Variants in EP300 observed in about 807,000 individuals in gnomAD.
EP300 encodes the protein histone acetyltransferase p300.
Under a neutral mutation model 264.0 loss-of-function variants are expected in EP300, and 31 were observed. The observed-to-expected ratio is 0.12, with a 90% confidence interval of 0.09 to 0.16. EP300 has a LOEUF of 0.16. EP300 is among the 10% of genes least tolerant of loss of function. The pLI, the probability that EP300 is intolerant of heterozygous loss-of-function variation, is 1.00. For synonymous variants in EP300, 1,340 were observed against 1,045.4 expected (o/e 1.28, Z -5.44); for missense variants, 2,766 against 3,052.9 (o/e 0.91, Z 2.21).
chr22:41,173,490 G>C, intron 28 of EP300, 133 bp from the exon 29 acceptor site: 1 of 962,280 alleles, frequency 1.0e-6, no homozygotes, highest in Non-Finnish European at 1.6e-6. Flanking sequence ...AATAAGTGAA[G>C]AGAACAGCTA....
chr22:41,097,861 A>AT (rs2058710461), intron 1 of EP300, among the ~76,000 whole-genome samples: 2 of 151,898 alleles, frequency 1.3e-5, no homozygotes, highest in African/African-American at 4.8e-5. Flanking sequence ...TGCCCAGCTA[A>AT]TTTTTTGTAT....
At position 41,150,057 on chromosome 22, in the gene EP300, A is replaced by G. The variant is rs374237094; in HGVS notation, c.2676A>G (p.Gln892=). 2.1e-5 allele frequency: 34 copies of G among 1,613,330 alleles called. No individual in the cohort carries two copies. In the African/African-American group the frequency reaches 3.6e-4, roughly 17 times the overall value. Residue 892 remains glutamine, a synonymous_variant, in exon 14 of 31, where the codon CAA becomes CAG. Coordinates refer to ENST00000263253, the MANE Select transcript of EP300 (RefSeq NM_001429.4). ...AGACACCTACACCACCAACAACACAACTTCCCCAACAAGTGCAGCCTTCAC... is the reference window on the plus strand; with the variant it reads ...AGACACCTACACCACCAACAACACAGCTTCCCCAACAAGTGCAGCCTTCAC... The part of the protein sequence containing the change: ...PRQTPTPPTT[Q]LPQQVQPSLP...
intron 16 of EP300, among the ~76,000 whole-genome samples, 159 bp downstream of exon 16, chr22:41,152,509 TTC>T (rs2059052516): frequency 6.6e-6 from 1 of 151,934 alleles, no homozygotes; most frequent in Non-Finnish European, 1.5e-5. Context: ...CTAATAATTT[TTC>T]TTTCTTTTTT....
rs2059184465 is a variant in EP300 at position 41,173,795 on chromosome 22, G to A, written c.4779+11G>A. On this transcript the variant is annotated intron_variant, in intron 29 of 30. Coordinates refer to ENST00000263253, the MANE Select transcript of EP300 (RefSeq NM_001429.4). ...GAGAAGCATAAAGAGGTAAGATGCA[G>A]CCACCCAGAGTTGGGGAAAAACGGC... The A allele has an allele frequency of 2.5e-6, 4 of 1,613,922 alleles. No individual in the cohort carries two copies. Among genetic ancestry groups the A allele is most frequent in the Non-Finnish European group, 3.4e-6 (4 of 1,179,860 alleles).
At chr22:41,167,826 G>GTTTTTTTTTT (rs1192332279) in intron 23 of EP300, among the ~76,000 whole-genome samples, 36 of 32,166 alleles carry the variant, frequency 1.1e-3, no homozygotes, top group African/African-American at 3.8e-3. Context: ...TTTTTTTTTT[G>GTTTTTTTTTT]TTTTTTTTTT....
chr22:41,106,551 C>T (rs9619939), intron 1 of EP300, among the ~76,000 whole-genome samples: 1 of 152,150 alleles, frequency 6.6e-6, no homozygotes. Flanking sequence ...TGTCAAGCTC[C>T]TACTCATCCT....
At chr22:41,146,695 A>AGGG in intron 10 of EP300, 44 bp from the exon 11 acceptor site, 1 of 1,577,290 alleles carries the variant, frequency 6.3e-7, no homozygotes. Context: ...TGTTTGGTTA[A>AGGG]GGGAAGATGG....
rs747887653 is a variant in EP300 at position 41,151,918 on chromosome 22, C to T, written c.2903C>T (p.Ala968Val). 1.9e-6 allele frequency: 3 copies of T among 1,614,124 alleles called. No homozygotes were observed. Among genetic ancestry groups the T allele is most frequent in the East Asian group, 2.2e-5 (1 of 44,890 alleles). The change falls in exon 15 of 31, where the codon GCT becomes GTT. Residue 968 changes from alanine to valine, a missense_variant. Transcript: ENST00000263253. ...SSTEVNSQAI[A>V]EKQPSQEVKM... ...ACAGAAGTGAATTCTCAGGCCATTG[C>T]TGAGAAGCAGCCTTCCCAGGAAGTG...
chr22:41,155,071 T>G lies in EP300; in HGVS notation c.3219T>G (p.Leu1073=). Residue 1073 remains leucine, a synonymous_variant, in exon 17 of 31, where the codon CTT becomes CTG. Coordinates refer to ENST00000263253, the MANE Select transcript of EP300 (RefSeq NM_001429.4). ...EALYRQDPES[L]PFRQPVDPQL... ...TTTACCGTCAGGATCCAGAATCCCTTCCCTTTCGTCAACCTGTGGACCCTC... is the reference window on the plus strand; with the variant it reads ...TTTACCGTCAGGATCCAGAATCCCTGCCCTTTCGTCAACCTGTGGACCCTC... 1 of 1,614,114 alleles carries G rather than the reference T, an allele frequency of 6.2e-7. No homozygotes were observed. The highest frequency in any genetic ancestry group is 8.5e-7 in the Non-Finnish European group (1 of 1,179,954).
At position 41,140,133 on chromosome 22, in the gene EP300, T is replaced by C; in HGVS notation, c.1761-7T>C. 2.5e-6 allele frequency: 4 copies of C among 1,603,646 alleles called. No homozygotes were observed. The South Asian group carries it at 4.4e-5, about 18-fold the overall frequency. ...GATATTACAGTGGTAGGATTTTCTT[T>C]TTCCAGCGTCCAAGCCATATTTCCT... is the stretch of plus-strand genomic sequence containing the variant. On this transcript the variant is annotated splice_region_variant and splice_polypyrimidine_tract_variant and intron_variant, in intron 8 of 30. Coordinates refer to ENST00000263253, the MANE Select transcript of EP300 (RefSeq NM_001429.4).
Position 41,177,332 on chromosome 22 carries a change from A to G in EP300, c.5621A>G (p.Gln1874Arg), listed in dbSNP as rs2059206716. The G allele has an allele frequency of 6.2e-7, 1 of 1,613,824 alleles. No individual in the cohort carries two copies. Among genetic ancestry groups the G allele is most frequent in the African/African-American group, 1.3e-5 (1 of 74,916 alleles). ...TTPQTPQPTSQPQPTPPNSMP... is the reference protein window; with the variant it reads ...TTPQTPQPTSRPQPTPPNSMP... ...CCGCAGACGCCCCAGCCCACTTCTCAGCCTCAGCCTACCCCTCCCAATAGC... is the reference window on the plus strand; with the variant it reads ...CCGCAGACGCCCCAGCCCACTTCTCGGCCTCAGCCTACCCCTCCCAATAGC... Residue 1874 changes from glutamine to arginine, a missense_variant, in exon 31 of 31, where the codon CAG (glutamine) becomes CGG (arginine). Transcript: ENST00000263253.
intron 1 of EP300, among the ~76,000 whole-genome samples, chr22:41,115,572 A>G (rs1290597787): frequency 6.6e-6 from 1 of 152,168 alleles, no homozygotes; most frequent in Non-Finnish European, 1.5e-5. Flanking sequence ...GGCTAGGAGT[A>G]TAGCCTAGTG....
At chr22:41,165,072 T>C (rs2059127094) in intron 22 of EP300, among the ~76,000 whole-genome samples, 2 of 152,224 alleles carry the variant, frequency 1.3e-5, no homozygotes, top group Admixed American at 6.5e-5. Flanking sequence ...TTCACCGTTA[T>C]TTTCACATAG....
intron 10 of EP300, among the ~76,000 whole-genome samples, chr22:41,144,265 T>C (rs1048337913): frequency 6.6e-6 from 1 of 152,220 alleles, no homozygotes; most frequent in African/African-American, 2.4e-5. Context: ...ATTATTTGAC[T>C]TAATGCATAT....
At position 41,173,314 on chromosome 22, in the gene EP300, A is replaced by G. The variant is rs74964740; in HGVS notation, c.4618-309A>G. Among the ~76,000 whole-genome samples, 1,726 of 152,222 alleles carry G rather than the reference A, an allele frequency of 0.011. 32 individuals are homozygous for G. Among genetic ancestry groups the G allele is most frequent in the African/African-American group, 0.04 (1,656 of 41,528 alleles). ...CTTTGATACACTCTTCACTACCCCA[A>G]AGTGCCACCCCTTCCTTGTTCCCTA... On this transcript the variant is annotated intron_variant, in intron 28 of 30. Transcript: ENST00000263253.
At chr22:41,159,290 T>A (rs1341078335) in intron 19 of EP300, 1 of 152,236 alleles carries the variant, frequency 6.6e-6, no homozygotes, top group African/African-American at 2.4e-5. Flanking sequence ...GGTGTTGGTT[T>A]TTGCTGAACT....
intron 1 of EP300, among the ~76,000 whole-genome samples, chr22:41,093,801 T>C (rs1046230479): frequency 6.6e-5 from 10 of 152,228 alleles, no homozygotes; most frequent in African/African-American, 1.9e-4. Flanking sequence ...GCATGTTCTT[T>C]GCAGTTTGCA....
At position 41,177,834 on chromosome 22, in the gene EP300, C is replaced by G; in HGVS notation, c.6123C>G (p.Leu2041=). The G allele has an allele frequency of 6.2e-7, 1 of 1,614,130 alleles. No homozygotes were observed. Among genetic ancestry groups the G allele is most frequent in the Non-Finnish European group, 8.5e-7 (1 of 1,180,018 alleles). Residue 2041 remains leucine, a synonymous_variant, in exon 31 of 31, where the codon CTC becomes CTG. Transcript: ENST00000263253. The part of the protein sequence containing the change: ...PGLGQVGISP[L]KPGTVSQQAL... ...TGGGCCAGGTAGGTATCAGCCCACT[C>G]AAACCAGGCACTGTGTCTCAACAAG...
intron 1 of EP300, among the ~76,000 whole-genome samples, chr22:41,114,330 G>A (rs2058810003): frequency 6.6e-6 from 1 of 152,128 alleles, no homozygotes; most frequent in South Asian, 2.1e-4. Flanking sequence ...CACAGGTACA[G>A]GCCACTAGGC....
Sources: gnomAD v4.1 joint callset for allele counts (sites outside exome capture counted in the v4.1 genomes callset) on GRCh38, gnomAD v4.1.1 for gene constraint, MANE v1.5 for transcripts, NCBI Gene and HGNC (gene_info 2026-07-23, HGNC 2026-07-21) for gene names.